KIF21A: variants seen among roughly 807,000 people sequenced by gnomAD.
KIF21A encodes the protein kinesin family member 21A, also known as kinesin-like protein KIF21A.
Under a neutral mutation model 202.9 loss-of-function variants are expected in KIF21A, and 114 were observed. The ratio of observed to expected loss-of-function variants is 0.56; its 90% CI spans 0.48 to 0.66. The LOEUF (loss-of-function observed/expected upper bound fraction) is 0.66, where lower values mean the gene tolerates loss of function less well. KIF21A is among the 30% of genes least tolerant of loss of function. KIF21A has a pLI of 0.00. For missense variants in KIF21A, 1,677 were observed against 1,994.9 expected (o/e 0.84, Z 3.04); for synonymous variants, 667 against 670.8 (o/e 0.99, Z 0.09).
At position 39,442,432 on chromosome 12, in the gene KIF21A, T is replaced by A. The variant is rs1399843598; in HGVS notation, c.44+495A>T. 6.6e-6 allele frequency among the ~76,000 whole-genome samples: 1 copy of A among 152,064 alleles called. No individual in the cohort carries two copies. The highest frequency in any genetic ancestry group is 1.5e-5 in the Non-Finnish European group (1 of 67,998). ...ACCCGAGTGGGCGCGCGGCGGGCCC[T>A]GCGGTCGCCGGCGCTGATAGTCAGA... On this transcript the variant is annotated intron_variant, in intron 1 of 37. Coordinates refer to ENST00000361418, the MANE Select transcript of KIF21A (RefSeq NM_001173464.2). The surrounding 1 kb of genome is among the most constrained non-coding windows in gnomAD (Gnocchi z 5.0).
intron 6 of KIF21A, among the ~76,000 whole-genome samples, chr12:39,366,050 G>C: frequency 6.6e-6 from 1 of 152,040 alleles, no homozygotes; most frequent in Admixed American, 6.6e-5. Flanking sequence ...GATTTTGACA[G>C]TATATTGTTA....
rs372005092 is a variant in KIF21A, at chr12:39,411,396, C to T, written c.44+31531G>A. 1.2e-4 allele frequency among the ~76,000 whole-genome samples: 19 copies of T among 152,228 alleles called. No individual in the cohort carries two copies. The East Asian group carries it at 1.4e-3, about 11-fold the overall frequency. On this transcript the variant is annotated intron_variant, in intron 1 of 37. Transcript: ENST00000361418. ...CATTTTAACAAGATCCACAGGTGAC[C>T]GGAATACATATTTAAGTTTGAAATG...
chr12:39,417,722 G>T (rs370652582), intron 1 of KIF21A, among the ~76,000 whole-genome samples: 3 of 151,978 alleles, frequency 2.0e-5, no homozygotes, highest in South Asian at 2.1e-4. Context: ...ATTATATTCG[G>T]TCAGGTATTG....
intron 26 of KIF21A, among the ~76,000 whole-genome samples, chr12:39,323,851 C>G: frequency 6.6e-6 from 1 of 152,048 alleles, no homozygotes; most frequent in Non-Finnish European, 1.5e-5. Flanking sequence ...TGGCTCACAC[C>G]TGTAATCCCA....
chr12:39,436,412 G>T (rs1333284534), intron 1 of KIF21A, among the ~76,000 whole-genome samples: 5 of 106,010 alleles, frequency 4.7e-5, no homozygotes, highest in Admixed American at 1.0e-4. Context: ...AATTATAAGG[G>T]TTTACTATAT....
chr12:39,356,704 C>A, intron 10 of KIF21A, 128 bp downstream of exon 10: 1 of 565,996 alleles, frequency 1.8e-6, no homozygotes, highest in Admixed American at 3.3e-5. Context: ...CTAAAGTTAA[C>A]CTAACCAAAG....
At chr12:39,344,393 C>G (rs1947713242) in intron 12 of KIF21A, among the ~76,000 whole-genome samples, 1 of 152,162 alleles carries the variant, frequency 6.6e-6, no homozygotes, top group East Asian at 1.9e-4. Context: ...CATCTCCCAG[C>G]AGGCTTTCCA....
At position 39,315,917 on chromosome 12, in the gene KIF21A, C is replaced by T. The variant is rs1206515543; in HGVS notation, c.3947+15G>A. The T allele has an allele frequency of 1.2e-5, 19 of 1,593,036 alleles. No homozygotes were observed. The highest frequency in any genetic ancestry group is 1.5e-5 in the Non-Finnish European group (17 of 1,161,268). Reference sequence around the variant, plus strand: ...ATGAAATTCCAGAATGTAGGAAAGGCAGGAAAGAAAGTACCTGTGTACCTC... The same window carrying T: ...ATGAAATTCCAGAATGTAGGAAAGGTAGGAAAGAAAGTACCTGTGTACCTC... On this transcript the variant is annotated intron_variant, in intron 30 of 37. Transcript: ENST00000361418.
chr12:39,346,382 T>C (rs1029705480), intron 12 of KIF21A, 84 bp downstream of exon 12: 2 of 964,434 alleles, frequency 2.1e-6, no homozygotes, highest in Non-Finnish European at 2.8e-6. Flanking sequence ...TGAAACAATC[T>C]ATAATACTAT....
intron 1 of KIF21A, among the ~76,000 whole-genome samples, chr12:39,435,284 C>T (rs189965036): frequency 1.3e-5 from 2 of 152,324 alleles, no homozygotes; most frequent in East Asian, 3.9e-4. Context: ...AGTCAATAAT[C>T]CAATGTCCTT....
chr12:39,349,157 TC>T (rs1948154130), intron 11 of KIF21A, among the ~76,000 whole-genome samples: 1 of 151,924 alleles, frequency 6.6e-6, no homozygotes, highest in Admixed American at 6.6e-5. Flanking sequence ...TTCCCATTTT[TC>T]CCCCAAAGAT....
intron 10 of KIF21A, among the ~76,000 whole-genome samples, chr12:39,355,707 T>TTTTATATATATATATA (rs1351512351): frequency 9.9e-6 from 1 of 101,238 alleles, no homozygotes; most frequent in South Asian, 4.0e-4. Context: ...GCATGAACAA[T>TTTTATATATATATATA]TATATATATA....
chr12:39,369,473 G>A (rs1949813495), intron 3 of KIF21A, among the ~76,000 whole-genome samples: 3 of 151,986 alleles, frequency 2.0e-5, no homozygotes, highest in Admixed American at 2.0e-4. Flanking sequence ...AAAAAATGGG[G>A]GGGGTTCTTA....
chr12:39,434,001 C>T (rs1938324815), intron 1 of KIF21A, among the ~76,000 whole-genome samples: 1 of 152,180 alleles, frequency 6.6e-6, no homozygotes, highest in African/African-American at 2.4e-5. Flanking sequence ...AATCCAATTG[C>T]TAGAGTTTGG....
rs10580436 is a variant in KIF21A, at chr12:39,355,707, T to TTATATATATATA, written c.1469+1113_1469+1124dup. On this transcript the variant is annotated intron_variant, in intron 10 of 37. Transcript: ENST00000361418. ...TACCAAAAACATGAAGCATGAACAATTATATATATATATATATATATATAT... is the reference window on the plus strand; with the variant it reads ...TACCAAAAACATGAAGCATGAACAATTATATATATATATATATATATATATATATATATATAT... Among the ~76,000 whole-genome samples the TTATATATATATA allele has an allele frequency of 4.0e-3, 400 of 101,186 alleles. 13 individuals carry two copies. Among genetic ancestry groups the TTATATATATATA allele is most frequent in the African/African-American group, 0.011 (223 of 20,614 alleles). The allele number at this position is 101,186 out of a possible 152,430, so 66.4% of individuals were successfully genotyped here.
At chr12:39,349,044 G>A (rs1322717041) in intron 11 of KIF21A, among the ~76,000 whole-genome samples, 2 of 151,956 alleles carry the variant, frequency 1.3e-5, no homozygotes, top group Non-Finnish European at 2.9e-5. Context: ...GTACTTCAGG[G>A]TAGGGCAGAA....
chr12:39,436,446 ATATTTTTT>A (rs1277631093), intron 1 of KIF21A, among the ~76,000 whole-genome samples: 1 of 104,336 alleles, frequency 9.6e-6, no homozygotes, highest in Non-Finnish European at 1.9e-5. Flanking sequence ...ATATATATAT[ATATTTTTT>A]TTTTTTTTAG....
chr12:39,317,970 G>T, intron 29 of KIF21A, 103 bp downstream of exon 29: 2 of 1,187,258 alleles, frequency 1.7e-6, no homozygotes, highest in Non-Finnish European at 2.5e-6. Flanking sequence ...CACACGTCAG[G>T]CTCCATCTCC....
At chr12:39,419,689 A>G (rs1244467674) in intron 1 of KIF21A, among the ~76,000 whole-genome samples, 1 of 152,176 alleles carries the variant, frequency 6.6e-6, no homozygotes, top group Non-Finnish European at 1.5e-5. Flanking sequence ...AGGCTATATA[A>G]GATAAGGCTA....
Sources: gnomAD v4.1 joint callset for allele counts (sites outside exome capture counted in the v4.1 genomes callset) on GRCh38, gnomAD v4.1.1 for gene constraint, Gnocchi (gnomAD v3.1) non-coding constraint, MANE v1.5 for transcripts, NCBI Gene and HGNC (gene_info 2026-07-23, HGNC 2026-07-21) for gene names.